Variants in ATP10B observed in about 807,000 individuals in gnomAD.
The protein encoded by ATP10B is ATPase phospholipid transporting 10B (putative).
In ATP10B, 122 loss-of-function variants were observed where a neutral mutation model predicts 141.2. The observed-to-expected ratio is 0.86, with a 90% CI of 0.75 to 1.00. ATP10B has a LOEUF of 1.00. Ranked by LOEUF, ATP10B falls within the 50% of genes least tolerant of loss-of-function variation. ATP10B has a pLI of 0.00. For synonymous variants in ATP10B, 685 were observed against 692.0 expected (o/e 0.99, Z 0.16); for missense variants, 1,876 against 1,825.3 (o/e 1.03, Z -0.51).
chr5:160,814,218 G>A (rs1195378240), intron 1 of ATP10B, among the ~76,000 whole-genome samples: 3 of 151,976 alleles, frequency 2.0e-5, no homozygotes, highest in Non-Finnish European at 4.4e-5. Context: ...CCATGGCAAA[G>A]AAGTTAAAAA....
chr5:160,653,739 T>G (rs1157769917), intron 7 of ATP10B, among the ~76,000 whole-genome samples: 2 of 128,934 alleles, frequency 1.6e-5, no homozygotes, highest in Non-Finnish European at 3.1e-5. Context: ...TATATATACA[T>G]ATATTACATA....
chr5:160,569,879 C>T (rs1754766553), intron 24 of ATP10B, among the ~76,000 whole-genome samples, 196 bp from the exon 25 acceptor site: 1 of 152,042 alleles, frequency 6.6e-6, no homozygotes, highest in Non-Finnish European at 1.5e-5. Flanking sequence ...ACACACATAC[C>T]CCAGAAGACC....
intron 18 of ATP10B, among the ~76,000 whole-genome samples, chr5:160,610,084 A>G (rs1757631342): frequency 6.6e-6 from 1 of 152,170 alleles, no homozygotes; most frequent in African/African-American, 2.4e-5. Context: ...ACTTCCTGGT[A>G]TTCATGCCCT....
At chr5:160,638,324 C>T (rs1371080647) in intron 10 of ATP10B, among the ~76,000 whole-genome samples, 2 of 152,104 alleles carry the variant, frequency 1.3e-5, no homozygotes, top group Non-Finnish European at 2.9e-5. Flanking sequence ...GTCCTGTGAC[C>T]TTTTAATCAT....
At chr5:160,684,123 G>A (rs941386460) in intron 6 of ATP10B, among the ~76,000 whole-genome samples, 2 of 152,152 alleles carry the variant, frequency 1.3e-5, no homozygotes, top group African/African-American at 4.8e-5. Context: ...TCAGCTTCAG[G>A]ACAGGTGGTG....
At chr5:160,610,829 A>G (rs1341494452) in intron 18 of ATP10B, among the ~76,000 whole-genome samples, 1 of 152,160 alleles carries the variant, frequency 6.6e-6, no homozygotes, top group African/African-American at 2.4e-5. Context: ...TTGACTGATG[A>G]ACACTTCAGT....
At chr5:160,763,134 A>G (rs1769165921) in intron 2 of ATP10B, among the ~76,000 whole-genome samples, 1 of 152,164 alleles carries the variant, frequency 6.6e-6, no homozygotes, top group East Asian at 1.9e-4. Context: ...TCGGTACTCG[A>G]CTGACAGCAC....
At chr5:160,820,144 G>GA (rs36088639) in intron 1 of ATP10B, among the ~76,000 whole-genome samples, 49,962 of 148,730 alleles carry the variant, frequency 0.34, 9,400 homozygotes, top group East Asian at 0.45. Context: ...TGAGATTAAT[G>GA]AAAAAAAAAG....
At chr5:160,615,989 A>G (rs764479562) in intron 16 of ATP10B, 25 bp from the exon 17 acceptor site, 58 of 1,604,904 alleles carry the variant, frequency 3.6e-5, no homozygotes, top group Middle Eastern at 3.3e-4. Context: ...AAGGCTCCTT[A>G]ACAATCTTGG....
At chr5:160,614,116 T>C (rs991114172) in intron 17 of ATP10B, 1 of 152,014 alleles carries the variant, frequency 6.6e-6, no homozygotes, top group Non-Finnish European at 1.5e-5. Flanking sequence ...AAGAACCCCA[T>C]TATCCTGAAA....
intron 23 of ATP10B, among the ~76,000 whole-genome samples, chr5:160,589,937 G>A (rs1329385351): frequency 1.3e-5 from 2 of 152,190 alleles, no homozygotes; most frequent in African/African-American, 4.8e-5. Context: ...ATTGTGGAAT[G>A]AATGAAGACA....
chr5:160,784,128 C>T (rs965681366), intron 2 of ATP10B, among the ~76,000 whole-genome samples: 1 of 152,098 alleles, frequency 6.6e-6, no homozygotes, highest in African/African-American at 2.4e-5. Flanking sequence ...GATTTTGAGA[C>T]AGAAAAGTCT....
the ATP10B span, among the ~76,000 whole-genome samples, chr5:160,913,136 A>G: frequency 6.6e-6 from 1 of 152,240 alleles, no homozygotes; most frequent in African/African-American, 2.4e-5. Flanking sequence ...AGCTAAACAG[A>G]TGAAAGAGCT....
intron 1 of ATP10B, among the ~76,000 whole-genome samples, chr5:160,833,452 C>T (rs1027650908): frequency 1.3e-5 from 2 of 152,122 alleles, no homozygotes; most frequent in Non-Finnish European, 2.9e-5. Flanking sequence ...TCCACCTCAG[C>T]TGTCTGAATA....
intron 2 of ATP10B, among the ~76,000 whole-genome samples, chr5:160,750,483 T>C (rs1277509519): frequency 1.3e-5 from 2 of 152,220 alleles, no homozygotes; most frequent in African/African-American, 4.8e-5. Context: ...TAACTATTGT[T>C]GGTTCTAAGT....
intron 2 of ATP10B, among the ~76,000 whole-genome samples, chr5:160,739,671 A>G (rs1243551692): frequency 6.6e-6 from 1 of 152,220 alleles, no homozygotes; most frequent in East Asian, 1.9e-4. Context: ...GAGGGAACAT[A>G]GGTGAGAGAT....
At chr5:160,752,166 C>T (rs1428248111) in intron 2 of ATP10B, among the ~76,000 whole-genome samples, 1 of 142,284 alleles carries the variant, frequency 7.0e-6, no homozygotes, top group Non-Finnish European at 1.5e-5. Flanking sequence ...GGGGGCAAGT[C>T]CCCCTACTTT....
intron 1 of ATP10B, among the ~76,000 whole-genome samples, chr5:160,829,098 C>T (rs573813913): frequency 6.6e-6 from 1 of 150,774 alleles, no homozygotes; most frequent in Non-Finnish European, 1.5e-5. Flanking sequence ...AGGAGATATA[C>T]CTAATTCTAA....
chr5:160,632,211 AC>A lies in ATP10B; in HGVS notation c.1537del (p.Val513CysfsTer28), dbSNP rs1450302969. On this transcript the variant is annotated frameshift_variant, in exon 13 of 26. Transcript: ENST00000327245. LOFTEE classifies it high-confidence loss of function. ...TTGCCGGTAGTGGCCCTGGATGGGC[AC>A]CCGGGCACTCTGGCTCCTCCTCAGA... ...QPLRRSQSAR[V>X]PIQGHYRQRS... The A allele has an allele frequency of 6.2e-7, 1 of 1,613,994 alleles. No homozygotes were observed. The highest frequency in any genetic ancestry group is 8.5e-7 in the Non-Finnish European group (1 of 1,180,012).
Sources: allele counts gnomAD v4.1 joint callset (sites outside exome capture counted in the v4.1 genomes callset), GRCh38; gene constraint gnomAD v4.1.1; transcripts MANE v1.5; gene names NCBI Gene and HGNC (gene_info 2026-07-23, HGNC 2026-07-21).